Variants in COL24A1 observed in about 807,000 individuals in gnomAD.
COL24A1 encodes collagen type XXIV alpha 1 chain.
In COL24A1, 224 loss-of-function variants were observed where a neutral mutation model predicts 253.9. That is an observed-to-expected ratio of 0.88 (90% CI 0.79 to 0.99). The LOEUF is 0.99. Ranked by LOEUF, COL24A1 falls within the 50% of genes least tolerant of loss-of-function variation. The pLI, the probability that COL24A1 is intolerant of heterozygous loss-of-function variation, is 0.00. For missense variants in COL24A1, 2,131 were observed against 2,068.5 expected (o/e 1.03, Z -0.59); for synonymous variants, 685 against 673.7 (o/e 1.02, Z -0.26).
chr1:86,132,692 G>T (rs1485667753), intron 2 of COL24A1, among the ~76,000 whole-genome samples: 2 of 151,940 alleles, frequency 1.3e-5, no homozygotes, highest in Non-Finnish European at 2.9e-5. Flanking sequence ...GTGGCATTAT[G>T]TCTGAGGGCT....
At chr1:85,954,676 T>C (rs868601715) in intron 24 of COL24A1, among the ~76,000 whole-genome samples, 5 of 152,198 alleles carry the variant, frequency 3.3e-5, no homozygotes, top group Non-Finnish European at 2.9e-5. Context: ...ATGAAATGTA[T>C]CATGGATATA....
intron 53 of COL24A1, among the ~76,000 whole-genome samples, chr1:85,772,290 TAA>T (rs938268067): frequency 8.6e-5 from 13 of 151,536 alleles, no homozygotes; most frequent in South Asian, 6.3e-4. Context: ...TGGCAATCAT[TAA>T]AAAGTCAGGA....
intron 11 of COL24A1, among the ~76,000 whole-genome samples, chr1:86,047,993 A>G (rs1387055383): frequency 1.3e-5 from 2 of 152,286 alleles, no homozygotes; most frequent in South Asian, 2.1e-4. Context: ...CATGTATCTG[A>G]TCATCAAAAA....
At chr1:85,929,906 C>T (rs1480711248) in intron 24 of COL24A1, among the ~76,000 whole-genome samples, 8 of 116,162 alleles carry the variant, frequency 6.9e-5, no homozygotes, top group African/African-American at 2.7e-4. Context: ...ACACCACATA[C>T]CAGAATCTCT....
At position 86,022,235 on chromosome 1, in the gene COL24A1, C is replaced by G. The variant is rs745329035; in HGVS notation, c.2256+5G>C. On this transcript the variant is annotated splice_donor_5th_base_variant and intron_variant, in intron 18 of 59. Transcript: ENST00000370571. ...ACAAAGAGCAAAGCAAAAGTTCAAA[C>G]CTACTGAAGGCCCTGACTTTCCTCT... 4 of 1,612,706 alleles carry G rather than the reference C, an allele frequency of 2.5e-6. No homozygotes were observed. The highest frequency in any genetic ancestry group is 1.3e-5 in the African/African-American group (1 of 75,008).
intron 19 of COL24A1, among the ~76,000 whole-genome samples, chr1:86,009,463 A>G (rs1696302498): frequency 6.6e-6 from 1 of 152,222 alleles, no homozygotes; most frequent in Non-Finnish European, 1.5e-5. Flanking sequence ...TATATGGTAT[A>G]GCCTATTGCT....
At chr1:85,852,787 A>G (rs1237534184) in intron 37 of COL24A1, among the ~76,000 whole-genome samples, 1 of 152,114 alleles carries the variant, frequency 6.6e-6, no homozygotes, top group Non-Finnish European at 1.5e-5. Context: ...TTGCTGGTGA[A>G]AAAGAATGGA....
intron 43 of COL24A1, among the ~76,000 whole-genome samples, chr1:85,826,215 G>T (rs1473039250): frequency 1.4e-5 from 2 of 142,078 alleles, no homozygotes; most frequent in East Asian, 4.1e-4. Flanking sequence ...TCTCAGGTTT[G>T]TCAAAGATCA....
At position 85,870,968 on chromosome 1, in the gene COL24A1, A is replaced by G. The variant is rs543414933; in HGVS notation, c.3139-2133T>C. Among the ~76,000 whole-genome samples the G allele has an allele frequency of 3.3e-5, 5 of 152,266 alleles. No homozygotes were observed. The East Asian group carries it at 9.6e-4, about 29-fold the overall frequency. On this transcript the variant is annotated intron_variant, in intron 35 of 59. Transcript: ENST00000370571. ...ACCGCTAGCAATACTAATAAAGAAG[A>G]AAAGAGAGAAGAATCAAATAGATGC...
intron 7 of COL24A1, among the ~76,000 whole-genome samples, chr1:86,082,561 C>T (rs535075765): frequency 6.8e-6 from 1 of 148,138 alleles, no homozygotes; most frequent in South Asian, 2.1e-4. Flanking sequence ...CCTTTCATAT[C>T]TTCATAATCA....
In COL24A1 at chr1:86,025,726, A is replaced by G. The variant is rs78264717; in HGVS notation, c.2050-2719T>C. Among the ~76,000 whole-genome samples the G allele has an allele frequency of 3.7e-3, 556 of 152,166 alleles. 2 individuals carry two copies. Among genetic ancestry groups the G allele is most frequent in the African/African-American group, 0.013 (534 of 41,498 alleles). On this transcript the variant is annotated intron_variant, in intron 14 of 59. Transcript: ENST00000370571. ...CTTCCCAATTACTTTCAAAACCTCA[A>G]TTCCTTCCATTCTGCTCCCAAGCCC...
intron 20 of COL24A1, among the ~76,000 whole-genome samples, chr1:85,982,492 C>CT (rs34157359): frequency 0.12 from 18,216 of 146,570 alleles, 1,213 homozygotes; most frequent in South Asian, 0.23. Flanking sequence ...TGCTTTCTAC[C>CT]TTTTTTTTTT....
chr1:86,029,156 A>AG (rs1292497206), intron 14 of COL24A1, among the ~76,000 whole-genome samples: 1 of 151,732 alleles, frequency 6.6e-6, no homozygotes, highest in Non-Finnish European at 1.5e-5. Context: ...TCAGGAAAAA[A>AG]AAAAACATCA....
In COL24A1 at chr1:85,837,979, C is replaced by T. The variant is rs192745504; in HGVS notation, c.3681+606G>A. ...TGATATTAAAAAATGACACTGAATA[C>T]GTTCTACACACAGCCTAATTTTAGC... On this transcript the variant is annotated intron_variant, in intron 43 of 59. Coordinates refer to ENST00000370571, the MANE Select transcript of COL24A1 (RefSeq NM_152890.7). 2.2e-3 allele frequency among the ~76,000 whole-genome samples: 331 copies of T among 152,114 alleles called. 9 individuals are homozygous for T. In the South Asian group the frequency reaches 0.052, roughly 24 times the overall value.
chr1:86,141,477 C>T (rs890538137), intron 2 of COL24A1, among the ~76,000 whole-genome samples: 9 of 152,106 alleles, frequency 5.9e-5, no homozygotes, highest in African/African-American at 2.2e-4. Context: ...AATCCTCCCC[C>T]CATCAACCCA....
intron 6 of COL24A1, among the ~76,000 whole-genome samples, chr1:86,091,776 T>G (rs1703505213): frequency 6.6e-6 from 1 of 152,148 alleles, no homozygotes. Context: ...ACTGTCCATG[T>G]GATAAGTCAG....
chr1:85,737,048 G>A (rs1175538871), intron 58 of COL24A1, among the ~76,000 whole-genome samples: 1 of 151,994 alleles, frequency 6.6e-6, no homozygotes, highest in Admixed American at 6.6e-5. Flanking sequence ...CAAAACTTCA[G>A]GTAACTGATT....
At chr1:85,877,056 A>G in intron 33 of COL24A1, 66 bp downstream of exon 33, 1 of 1,135,824 alleles carries the variant, frequency 8.8e-7, no homozygotes, top group Non-Finnish European at 1.3e-6. Flanking sequence ...TTAATTATTA[A>G]TTTTACCTTA....
At chr1:85,861,663 A>C (rs1436506688) in intron 37 of COL24A1, among the ~76,000 whole-genome samples, 1 of 152,170 alleles carries the variant, frequency 6.6e-6, no homozygotes, top group Non-Finnish European at 1.5e-5. Context: ...TCTCTCACTG[A>C]ATTGTCTTGG....
Sources: gnomAD v4.1 joint callset for allele counts (sites outside exome capture counted in the v4.1 genomes callset) on GRCh38, gnomAD v4.1.1 for gene constraint, MANE v1.5 for transcripts, NCBI Gene and HGNC (gene_info 2026-07-23, HGNC 2026-07-21) for gene names.